The following PARM1 variants were observed in gnomAD, a reference collection of about 807,000 sequenced individuals.
The protein encoded by PARM1 is WSC4, cell wall integrity and stress response component 4 homolog.
A neutral mutation model predicts 24.6 loss-of-function variants in PARM1; 14 were observed. That is an observed-to-expected ratio of 0.57 (90% CI 0.38 to 0.89). The LOEUF (loss-of-function observed/expected upper bound fraction) is 0.89. Ranked by LOEUF, PARM1 falls within the 40% of genes least tolerant of loss-of-function variation. The probability of loss-of-function intolerance (pLI) is 0.00; values close to 1 mark genes in which losing one functional copy is unlikely to be tolerated. For synonymous variants in PARM1, 179 were observed against 156.6 expected (o/e 1.14, Z -1.07); for missense variants, 362 against 380.4 (o/e 0.95, Z 0.40).
chr4:74,973,296 A>G (rs530082040), intron 1 of PARM1, among the ~76,000 whole-genome samples: 2 of 152,348 alleles, frequency 1.3e-5, no homozygotes, highest in Non-Finnish European at 2.9e-5. Context: ...CCTGTCATCT[A>G]AAGATACTGT....
chr4:75,045,789 G>A (rs1251670664), intron 3 of PARM1, among the ~76,000 whole-genome samples: 1 of 152,200 alleles, frequency 6.6e-6, no homozygotes, highest in Non-Finnish European at 1.5e-5. Context: ...CATTATTTCA[G>A]GGAAAATTAA....
chr4:75,021,061 T>C (rs1354688311), intron 2 of PARM1, among the ~76,000 whole-genome samples: 2 of 152,216 alleles, frequency 1.3e-5, no homozygotes, highest in South Asian at 2.1e-4. Context: ...CTCACAAATA[T>C]ATTCCCAGCA....
At chr4:75,030,631 T>A (rs1162596372) in intron 2 of PARM1, among the ~76,000 whole-genome samples, 1 of 152,186 alleles carries the variant, frequency 6.6e-6, no homozygotes, top group Non-Finnish European at 1.5e-5. Flanking sequence ...TATTCTTGTA[T>A]CTGGGATTAT....
At chr4:75,043,235 G>T (rs1723535614) in intron 3 of PARM1, among the ~76,000 whole-genome samples, 2 of 152,062 alleles carry the variant, frequency 1.3e-5, no homozygotes, top group Non-Finnish European at 2.9e-5. Context: ...GTGGGAGGAG[G>T]TTCACTTTTC....
Position 74,944,611 on chromosome 4 carries a change from C to T in PARM1, c.43+11241C>T, listed in dbSNP as rs79561228. Among the ~76,000 whole-genome samples, 177 of 152,172 alleles carry T rather than the reference C, an allele frequency of 1.2e-3. No homozygotes were observed. The East Asian group carries it at 0.03, about 26-fold the overall frequency. On this transcript the variant is annotated intron_variant, in intron 1 of 3. Coordinates refer to ENST00000307428, the MANE Select transcript of PARM1 (RefSeq NM_015393.4). ...TGAAAAGCAGGGCCTGATCTCTCAC[C>T]GGAAGGAAAAGAATTGCACATCAGC...
Position 75,008,053 on chromosome 4 carries a change from G to T in PARM1, c.44-4372G>T, listed in dbSNP as rs368443471. On this transcript the variant is annotated intron_variant, in intron 1 of 3. Transcript: ENST00000307428. The stretch of plus-strand genomic sequence containing the variant: ...CAGTCCTAGCCGACTAAGACAGCAA[G>T]CATTCTCTACGATCATCATGGTGCC... 2.7e-4 allele frequency among the ~76,000 whole-genome samples: 41 copies of T among 152,356 alleles called. No individual in the cohort carries two copies. The South Asian group carries it at 6.8e-3, about 25-fold the overall frequency.
chr4:75,048,546 G>A lies in PARM1; in HGVS notation c.*2299G>A, dbSNP rs1723656908. ...TCGGCCAAAAACATTTTGACACAATGTTTGTGAAACACCTTTGGAGAGGTG... is the reference window on the plus strand; with the variant it reads ...TCGGCCAAAAACATTTTGACACAATATTTGTGAAACACCTTTGGAGAGGTG... On this transcript the variant is annotated 3_prime_UTR_variant, in exon 4 of 4. Coordinates refer to ENST00000307428, the MANE Select transcript of PARM1 (RefSeq NM_015393.4). 6.6e-6 allele frequency: 1 copy of A among 152,198 alleles called. No individual in the cohort carries two copies. Among genetic ancestry groups the A allele is most frequent in the South Asian group, 2.1e-4 (1 of 4,830 alleles). 9.4% of individuals were successfully genotyped at this position (152,198 alleles called of 1,614,324 possible).
At chr4:74,958,752 AT>A (rs1721701516) in intron 1 of PARM1, among the ~76,000 whole-genome samples, 5 of 152,182 alleles carry the variant, frequency 3.3e-5, no homozygotes, top group Admixed American at 3.3e-4. Context: ...TGTTTTTCTC[AT>A]TTGTAAAATG....
intron 1 of PARM1, among the ~76,000 whole-genome samples, chr4:74,959,926 C>T (rs562833293): frequency 5.6e-4 from 85 of 152,256 alleles, no homozygotes; most frequent in African/African-American, 1.9e-3. Flanking sequence ...TCTGTCTGGT[C>T]TATTTTGGAA....
At chr4:75,037,015 T>A (rs577197009) in intron 3 of PARM1, among the ~76,000 whole-genome samples, 2 of 152,262 alleles carry the variant, frequency 1.3e-5, no homozygotes, top group African/African-American at 2.4e-5. Flanking sequence ...CATAAGGAGA[T>A]TAATCGTTGT....
intron 2 of PARM1, among the ~76,000 whole-genome samples, chr4:75,020,606 C>G (rs368134190): frequency 6.1e-4 from 93 of 152,226 alleles, no homozygotes; most frequent in African/African-American, 2.1e-3. Context: ...ACCATCTCAG[C>G]CCCTGGGGGC....
intron 2 of PARM1, among the ~76,000 whole-genome samples, chr4:75,030,802 T>A (rs1156539095): frequency 1.3e-5 from 2 of 152,116 alleles, no homozygotes; most frequent in Non-Finnish European, 2.9e-5. Flanking sequence ...TGCCCGTCAG[T>A]GTCCCACACC....
chr4:75,008,594 G>T (rs968702635), intron 1 of PARM1, among the ~76,000 whole-genome samples: 1 of 152,150 alleles, frequency 6.6e-6, no homozygotes, highest in Non-Finnish European at 1.5e-5. Context: ...AATGTCATTC[G>T]AAAATGGCAT....
At chr4:74,939,272 T>A (rs1721254851) in intron 1 of PARM1, among the ~76,000 whole-genome samples, 1 of 152,146 alleles carries the variant, frequency 6.6e-6, no homozygotes, top group South Asian at 2.1e-4. Context: ...CATGGAGATT[T>A]AAGAGCAGCT....
chr4:75,016,505 C>T (rs1245682263), intron 2 of PARM1, among the ~76,000 whole-genome samples: 1 of 152,132 alleles, frequency 6.6e-6, no homozygotes, highest in Non-Finnish European at 1.5e-5. Flanking sequence ...CTGATCCCAT[C>T]ACCCAGGTAG....
intron 1 of PARM1, among the ~76,000 whole-genome samples, chr4:74,960,524 A>G (rs1025006283): frequency 2.0e-5 from 3 of 152,156 alleles, no homozygotes; most frequent in Non-Finnish European, 4.4e-5. Context: ...AAAAGCAACA[A>G]TTAGCATACC....
At chr4:74,997,449 A>G (rs573561498) in intron 1 of PARM1, among the ~76,000 whole-genome samples, 1 of 152,278 alleles carries the variant, frequency 6.6e-6, no homozygotes, top group Admixed American at 6.5e-5. Context: ...TCCTCCTTCA[A>G]AAAGACCTGA....
At chr4:74,997,839 A>C (rs909429291) in intron 1 of PARM1, 2 of 152,192 alleles carry the variant, frequency 1.3e-5, no homozygotes, top group African/African-American at 2.4e-5. Flanking sequence ...TAAGGTTTAA[A>C]ATGGGCAGAG....
chr4:74,942,863 T>C (rs910946080), intron 1 of PARM1, among the ~76,000 whole-genome samples: 6 of 152,120 alleles, frequency 3.9e-5, no homozygotes, highest in Non-Finnish European at 7.3e-5. Flanking sequence ...AGCCCTGTAA[T>C]GGCTCCTCTT....
Sources: gnomAD v4.1 joint callset for allele counts (sites outside exome capture counted in the v4.1 genomes callset) on GRCh38, gnomAD v4.1.1 for gene constraint, MANE v1.5 for transcripts, NCBI Gene and HGNC (gene_info 2026-07-23, HGNC 2026-07-21) for gene names.